The following LRP8 variants were observed in gnomAD, a reference collection of about 807,000 sequenced individuals.
LRP8 encodes LDL receptor related protein 8.
LRP8 carries 46 observed loss-of-function variants against 111.6 expected under a neutral mutation model. The observed-to-expected ratio is 0.41, with a 90% CI of 0.33 to 0.53. The LOEUF (loss-of-function observed/expected upper bound fraction) is 0.53, where lower values mean the gene tolerates loss of function less well. Ranked by LOEUF, LRP8 falls within the 20% of genes least tolerant of loss-of-function variation. The probability of loss-of-function intolerance (pLI) is 0.20; values close to 1 mark genes in which losing one functional copy is unlikely to be tolerated. For missense variants in LRP8, 959 were observed against 1,297.4 expected (o/e 0.74, Z 4.01); for synonymous variants, 464 against 511.2 (o/e 0.91, Z 1.24).
At chr1:53,260,681 A>G in intron 12 of LRP8, 76 bp from the exon 13 acceptor site, 1 of 1,476,302 alleles carries the variant, frequency 6.8e-7, no homozygotes, top group Non-Finnish European at 9.3e-7. Flanking sequence ...TTGGCCCCAA[A>G]CCATAGTCAC....
intron 8 of LRP8, among the ~76,000 whole-genome samples, chr1:53,269,622 CCTT>C: frequency 6.6e-6 from 1 of 152,154 alleles, no homozygotes; most frequent in African/African-American, 2.4e-5. Flanking sequence ...CCCCCCTTCA[CCTT>C]CTTTACTCAA....
chr1:53,271,408 G>A, intron 6 of LRP8, 62 bp from the exon 7 acceptor site: 2 of 1,603,190 alleles, frequency 1.2e-6, no homozygotes, highest in South Asian at 1.1e-5. Context: ...GCAGGGCAGG[G>A]GTAGGACCTA....
chr1:53,287,307 A>G (rs925531491), intron 3 of LRP8, among the ~76,000 whole-genome samples: 1 of 152,230 alleles, frequency 6.6e-6, no homozygotes, highest in Non-Finnish European at 1.5e-5. Context: ...TCCTCCAGGC[A>G]GTCTTCCGCC....
chr1:53,306,069 ACCTCT>A (rs1473704648), intron 2 of LRP8: 26 of 151,830 alleles, frequency 1.7e-4, no homozygotes, highest in Admixed American at 1.7e-3. Context: ...GGGATCAGAG[ACCTCT>A]TCTGATCCAC....
Position 53,294,819 on chromosome 1 carries a change from C to A in LRP8, c.245-5130G>T, listed in dbSNP as rs1360607159. ...GGCTTCCCCCGCCTCCAGAGACATC[C>A]TTCCCTGAGACAGTATACATCCTTC... On this transcript the variant is annotated intron_variant, in intron 2 of 18. Coordinates refer to ENST00000306052, the MANE Select transcript of LRP8 (RefSeq NM_004631.5). The surrounding 1 kb of genome is among the most constrained non-coding windows in gnomAD (Gnocchi z 4.1). 6.6e-6 allele frequency among the ~76,000 whole-genome samples: 1 copy of A among 151,974 alleles called. No homozygotes were observed. Among genetic ancestry groups the A allele is most frequent in the Non-Finnish European group, 1.5e-5 (1 of 68,028 alleles).
At chr1:53,274,874 G>A in intron 6 of LRP8, 1 of 455,528 alleles carries the variant, frequency 2.2e-6, no homozygotes, top group South Asian at 1.5e-5. Context: ...GGACAAGAAG[G>A]GCTGGGCTGG....
intron 2 of LRP8, among the ~76,000 whole-genome samples, chr1:53,319,555 C>T (rs1030712099): frequency 1.4e-4 from 21 of 152,206 alleles, no homozygotes; most frequent in African/African-American, 5.1e-4. Context: ...CCCGGCTCTC[C>T]CATTGTGGGT....
chr1:53,325,765 C>T (rs1052585089), intron 2 of LRP8, among the ~76,000 whole-genome samples: 1 of 152,212 alleles, frequency 6.6e-6, no homozygotes, highest in Non-Finnish European at 1.5e-5. Context: ...CGCCCTCCTC[C>T]CTCAGACCCC....
intron 2 of LRP8, among the ~76,000 whole-genome samples, chr1:53,320,090 C>T (rs1043883440): frequency 2.8e-4 from 42 of 152,372 alleles, no homozygotes; most frequent in Admixed American, 9.8e-4. Flanking sequence ...CTCAAGGCAC[C>T]GGCTGAAGGA....
At chr1:53,308,302 G>A (rs955552269) in intron 2 of LRP8, among the ~76,000 whole-genome samples, 3 of 152,336 alleles carry the variant, frequency 2.0e-5, no homozygotes, top group Non-Finnish European at 4.4e-5. Context: ...AGTGCTCACC[G>A]CATCTCCAGG....
At chr1:53,320,957 C>T (rs1161096372) in intron 2 of LRP8, among the ~76,000 whole-genome samples, 3 of 152,190 alleles carry the variant, frequency 2.0e-5, no homozygotes, top group South Asian at 2.1e-4. Flanking sequence ...GGCCAAGTTC[C>T]GTCTCCTTTC....
At chr1:53,321,966 C>G (rs1017986414) in intron 2 of LRP8, among the ~76,000 whole-genome samples, 3 of 152,168 alleles carry the variant, frequency 2.0e-5, no homozygotes, top group East Asian at 1.9e-4. Context: ...TCTACGGTGG[C>G]TGGGCAACTC....
chr1:53,269,293 C>G (rs1199682803), intron 8 of LRP8, among the ~76,000 whole-genome samples: 1 of 151,960 alleles, frequency 6.6e-6, no homozygotes, highest in Non-Finnish European at 1.5e-5. Context: ...TCTCACCTCC[C>G]TCACTCCCTT....
chr1:53,327,656 T>C, intron 1 of LRP8, 133 bp downstream of exon 1: 1 of 1,270,020 alleles, frequency 7.9e-7, no homozygotes, highest in Non-Finnish European at 1.0e-6. Flanking sequence ...AATAGCCGCT[T>C]CGCGTGGAGC....
intron 9 of LRP8, among the ~76,000 whole-genome samples, chr1:53,264,679 A>G (rs1646484889): frequency 6.6e-6 from 1 of 152,172 alleles, no homozygotes; most frequent in South Asian, 2.1e-4. Context: ...ATTAGAGGCT[A>G]TGGCAGCAGA....
At chr1:53,309,341 G>A (rs1289523014) in intron 2 of LRP8, among the ~76,000 whole-genome samples, 1 of 152,200 alleles carries the variant, frequency 6.6e-6, no homozygotes, top group Non-Finnish European at 1.5e-5. Context: ...CTCCCCATAA[G>A]CATAAGCGTC....
At chr1:53,277,513 T>C (rs754313646) in intron 4 of LRP8, among the ~76,000 whole-genome samples, 1 of 152,182 alleles carries the variant, frequency 6.6e-6, no homozygotes, top group Non-Finnish European at 1.5e-5. Context: ...TCCCCTGGCC[T>C]GGTATCCAAG....
intron 15 of LRP8, among the ~76,000 whole-genome samples, chr1:53,255,768 G>C (rs529874578): frequency 6.6e-6 from 1 of 152,150 alleles, no homozygotes; most frequent in Non-Finnish European, 1.5e-5. Context: ...GTGACCTTGG[G>C]CAAATTATTA....
chr1:53,282,952 G>T (rs1036213426), intron 3 of LRP8, among the ~76,000 whole-genome samples: 10 of 152,116 alleles, frequency 6.6e-5, no homozygotes, highest in Non-Finnish European at 1.0e-4. Context: ...TCTCAAGGGA[G>T]GGGGAGGGGA....
Sources: allele counts gnomAD v4.1 joint callset (sites outside exome capture counted in the v4.1 genomes callset), GRCh38; gene constraint gnomAD v4.1.1; non-coding constraint Gnocchi (gnomAD v3.1); transcripts MANE v1.5; gene names NCBI Gene and HGNC (gene_info 2026-07-23, HGNC 2026-07-21).